The following NELL1 variants were observed in gnomAD, a reference collection of about 807,000 sequenced individuals.
The protein encoded by NELL1 is protein kinase C-binding protein NELL1.
In NELL1, 76 loss-of-function variants were observed where a neutral mutation model predicts 107.4. The ratio of observed to expected loss-of-function variants is 0.71; its 90% confidence interval spans 0.59 to 0.86. The LOEUF (loss-of-function observed/expected upper bound fraction) is 0.86. NELL1 is among the 40% of genes least tolerant of loss of function. NELL1 has a pLI of 0.00. For synonymous variants in NELL1, 353 were observed against 341.2 expected (o/e 1.03, Z -0.38); for missense variants, 1,024 against 1,005.5 (o/e 1.02, Z -0.25).
intron 3 of NELL1, among the ~76,000 whole-genome samples, chr11:20,813,654 G>A (rs1857554956): frequency 6.6e-6 from 1 of 152,136 alleles, no homozygotes; most frequent in South Asian, 2.1e-4. Context: ...GCTATTTCCA[G>A]CATTCAAAAC....
At chr11:21,201,574 C>A (rs908731653) in intron 13 of NELL1, among the ~76,000 whole-genome samples, 4 of 152,036 alleles carry the variant, frequency 2.6e-5, no homozygotes, top group African/African-American at 9.7e-5. Context: ...ATCTGTAAAC[C>A]GAGACTATTT....
At chr11:21,282,241 T>C (rs368145146) in intron 14 of NELL1, among the ~76,000 whole-genome samples, 38 of 152,118 alleles carry the variant, frequency 2.5e-4, no homozygotes, top group Admixed American at 1.3e-3. Context: ...AACAAGCATA[T>C]GAAAAGGTGT....
At chr11:20,846,462 C>A (rs547579096) in intron 3 of NELL1, among the ~76,000 whole-genome samples, 2 of 152,244 alleles carry the variant, frequency 1.3e-5, no homozygotes, top group East Asian at 3.9e-4. Context: ...CCTTCCAAAT[C>A]TAGGGGTTAA....
rs562087182 is a variant in NELL1, at chr11:21,192,779, T to G, written c.1427-36553T>G. On this transcript the variant is annotated intron_variant, in intron 13 of 19. Coordinates refer to ENST00000357134, the MANE Select transcript of NELL1 (RefSeq NM_006157.5). ...ATGCTAAAGGAAGGAATGTGGCCAC[T>G]TTTTTCTGGGCATACAATTAGTCTA... Among the ~76,000 whole-genome samples, 24 of 151,870 alleles carry G rather than the reference T, an allele frequency of 1.6e-4. 1 individual carries two copies. Among genetic ancestry groups the G allele is most frequent in the African/African-American group, 5.8e-4 (24 of 41,200 alleles).
At chr11:21,515,840 T>C (rs1410896705) in intron 15 of NELL1, among the ~76,000 whole-genome samples, 1 of 152,210 alleles carries the variant, frequency 6.6e-6, no homozygotes, top group African/African-American at 2.4e-5. Context: ...AGCTGAACTT[T>C]GCTCACTACA....
At chr11:21,264,082 G>GTGTGTGTGTGTGTGTGTGTGTA (rs1848590154) in intron 14 of NELL1, among the ~76,000 whole-genome samples, 1 of 151,014 alleles carries the variant, frequency 6.6e-6, no homozygotes, top group Admixed American at 6.6e-5. Flanking sequence ...GTGTGTGTGT[G>GTGTGTGTGTGTGTGTGTGTGTA]TGTGTGTGTG....
intron 14 of NELL1, among the ~76,000 whole-genome samples, chr11:21,261,837 C>G (rs1340057207): frequency 6.6e-6 from 1 of 151,894 alleles, no homozygotes; most frequent in Non-Finnish European, 1.5e-5. Flanking sequence ...TTCCCTATTT[C>G]CTATCCCTAG....
At chr11:20,720,612 T>C (rs749964758) in intron 2 of NELL1, among the ~76,000 whole-genome samples, 1 of 152,198 alleles carries the variant, frequency 6.6e-6, no homozygotes, top group Non-Finnish European at 1.5e-5. Flanking sequence ...TTTTGGATGC[T>C]AGGAGTCCAA....
chr11:20,759,122 C>T (rs1856362386), intron 2 of NELL1, among the ~76,000 whole-genome samples: 1 of 152,216 alleles, frequency 6.6e-6, no homozygotes. Flanking sequence ...ACCTGCCTGA[C>T]AAACTCTGTC....
At chr11:21,284,264 G>C (rs1211827130) in intron 14 of NELL1, 1 of 456,944 alleles carries the variant, frequency 2.2e-6, no homozygotes, top group Non-Finnish European at 4.4e-6. Flanking sequence ...CTGGCACAAA[G>C]ATGTAGACAT....
At chr11:20,913,581 A>G (rs1850180439) in intron 5 of NELL1, among the ~76,000 whole-genome samples, 2 of 152,094 alleles carry the variant, frequency 1.3e-5, no homozygotes, top group African/African-American at 4.8e-5. Flanking sequence ...AAAATCCATA[A>G]TATACAATGT....
chr11:20,770,821 C>G (rs956423264), intron 2 of NELL1: 6 of 152,288 alleles, frequency 3.9e-5, no homozygotes, highest in African/African-American at 1.4e-4. Context: ...TTAGTTCCTG[C>G]TGGTTCATCA....
intron 5 of NELL1, among the ~76,000 whole-genome samples, chr11:20,908,025 T>A (rs1564961302): frequency 3.3e-5 from 5 of 152,170 alleles, no homozygotes; most frequent in African/African-American, 1.2e-4. Flanking sequence ...CCAGTCAGAA[T>A]GGCGATTATT....
chr11:20,922,605 TG>T (rs1850404081), intron 7 of NELL1, among the ~76,000 whole-genome samples: 1 of 152,092 alleles, frequency 6.6e-6, no homozygotes, highest in Non-Finnish European at 1.5e-5. Context: ...ATAGGCCGAT[TG>T]TGGCAGAATT....
chr11:20,852,892 C>T (rs7121400), intron 4 of NELL1, among the ~76,000 whole-genome samples: 28,653 of 152,044 alleles, frequency 0.19, 3,234 homozygotes, highest in East Asian at 0.34. Context: ...TAAGTAACAG[C>T]ACAAGGTAAG....
intron 12 of NELL1, among the ~76,000 whole-genome samples, chr11:21,014,519 T>C (rs1852521388): frequency 6.6e-6 from 1 of 152,118 alleles, no homozygotes; most frequent in Admixed American, 6.6e-5. Context: ...ACAAAACGAA[T>C]ATAGGTTTCA....
At chr11:20,956,840 A>AG (rs1851185248) in intron 11 of NELL1, among the ~76,000 whole-genome samples, 2 of 152,202 alleles carry the variant, frequency 1.3e-5, no homozygotes, top group Non-Finnish European at 2.9e-5. Flanking sequence ...GTACTGATTT[A>AG]AAGATGATAA....
intron 4 of NELL1, among the ~76,000 whole-genome samples, chr11:20,851,422 A>G (rs1442315167): frequency 2.6e-5 from 4 of 152,176 alleles, no homozygotes; most frequent in African/African-American, 7.2e-5. Flanking sequence ...GGAACCATTC[A>G]GTTGGGTGGG....
At chr11:21,089,848 G>T (rs1854481518) in intron 12 of NELL1, among the ~76,000 whole-genome samples, 1 of 152,192 alleles carries the variant, frequency 6.6e-6, no homozygotes, top group African/African-American at 2.4e-5. Context: ...AGGAAGGATT[G>T]TTCAATCTTA....
Sources: gnomAD v4.1 joint callset for allele counts (sites outside exome capture counted in the v4.1 genomes callset) on GRCh38, gnomAD v4.1.1 for gene constraint, MANE v1.5 for transcripts, NCBI Gene and HGNC (gene_info 2026-07-23, HGNC 2026-07-21) for gene names.